Variants in ITGB2 observed in about 807,000 individuals in gnomAD.
ITGB2 encodes integrin subunit beta 2.
In ITGB2, 56 loss-of-function variants were observed where a neutral mutation model predicts 86.8. The ratio of observed to expected loss-of-function variants is 0.65; its 90% CI spans 0.52 to 0.81. The LOEUF (loss-of-function observed/expected upper bound fraction) is 0.81, where lower values mean the gene tolerates loss of function less well. Among genes scored for constraint, ITGB2 ranks in the 30% least tolerant of loss-of-function variants. The pLI, the probability that ITGB2 is intolerant of heterozygous loss-of-function variation, is 0.00. For missense variants in ITGB2, 948 were observed against 1,061.2 expected, an observed-to-expected ratio of 0.89 and a Z score of 1.48; for synonymous variants, 457 against 450.4, an observed-to-expected ratio of 1.01 and a Z score of -0.19.
At chr21:44,894,522 G>C in intron 9 of ITGB2, 1 of 261,728 alleles carries the variant, frequency 3.8e-6, no homozygotes, top group Non-Finnish European at 7.6e-6. Context: ...AGAAATTCAG[G>C]GGTTAAGGGC....
intron 9 of ITGB2, chr21:44,894,241 C>T (rs1487180927): frequency 1.8e-5 from 3 of 163,496 alleles, no homozygotes; most frequent in Admixed American, 1.1e-4. Flanking sequence ...CCTCCACGGG[C>T]CTTCAGTTTA....
At chr21:44,898,395 G>A (rs1432700359) in intron 8 of ITGB2, among the ~76,000 whole-genome samples, 2 of 152,288 alleles carry the variant, frequency 1.3e-5, no homozygotes, top group African/African-American at 2.4e-5. Flanking sequence ...CTCGGGCAGC[G>A]GCTGGCACCC....
chr21:44,925,472 G>GAAGA (rs1555864690), upstream of ITGB2, among the ~76,000 whole-genome samples: 41 of 145,232 alleles, frequency 2.8e-4, no homozygotes, highest in African/African-American at 1.1e-3. Flanking sequence ...AGGAAGGAAG[G>GAAGA]AAGGAAGGAA....
intron 1 of ITGB2, among the ~76,000 whole-genome samples, chr21:44,927,250 G>C (rs1263154100): frequency 2.6e-5 from 4 of 152,212 alleles, no homozygotes; most frequent in Non-Finnish European, 5.9e-5. Context: ...GGGCCAGTGG[G>C]GAGAGGGTGG....
intron 14 of ITGB2, 150 bp downstream of exon 14, chr21:44,888,543 G>C (rs2083731769): frequency 2.3e-6 from 2 of 872,514 alleles, no homozygotes; most frequent in Non-Finnish European, 3.7e-6. Context: ...TGGCCTCCTT[G>C]CAATGCCAAG....
At chr21:44,918,700 G>C (rs1227042673) in intron 1 of ITGB2, among the ~76,000 whole-genome samples, 1 of 152,224 alleles carries the variant, frequency 6.6e-6, no homozygotes, top group Middle Eastern at 3.2e-3. Context: ...GGTGGTGGCC[G>C]TGTTGCCTCA....
At chr21:44,913,406 C>T (rs918710671) in intron 1 of ITGB2, among the ~76,000 whole-genome samples, 2 of 152,126 alleles carry the variant, frequency 1.3e-5, no homozygotes, top group Non-Finnish European at 2.9e-5. Context: ...CCCGGGCACT[C>T]CCACCTGCCC....
chr21:44,903,549 C>T lies in ITGB2; in HGVS notation c.329-14G>A. ...CTGCTGCCTGGCCTGCCGGTGGGGACAGAACAAAAGGAGCCACACCTCACA... is the reference window on the plus strand; with the variant it reads ...CTGCTGCCTGGCCTGCCGGTGGGGATAGAACAAAAGGAGCCACACCTCACA... On this transcript the variant is annotated splice_polypyrimidine_tract_variant and intron_variant, in intron 4 of 15. Transcript: ENST00000652462. 1 of 1,613,684 alleles carries T rather than the reference C, an allele frequency of 6.2e-7. No individual in the cohort carries two copies. The highest frequency in any genetic ancestry group is 8.5e-7 in the Non-Finnish European group (1 of 1,179,836).
At chr21:44,902,202 G>T (rs1324451099) in intron 5 of ITGB2, among the ~76,000 whole-genome samples, 1 of 152,212 alleles carries the variant, frequency 6.6e-6, no homozygotes, top group Non-Finnish European at 1.5e-5. Context: ...GTGTGTTTAT[G>T]TACGATTTAT....
chr21:44,896,509 C>T (rs761320387), intron 8 of ITGB2, among the ~76,000 whole-genome samples: 22 of 152,218 alleles, frequency 1.4e-4, no homozygotes, highest in Non-Finnish European at 2.2e-4. Flanking sequence ...GTCACCTCCC[C>T]GCCCAAACCC....
intron 14 of ITGB2, among the ~76,000 whole-genome samples, chr21:44,888,180 G>T (rs1010118251): frequency 2.6e-5 from 4 of 152,220 alleles, no homozygotes; most frequent in African/African-American, 9.6e-5. Flanking sequence ...TCACTGTGGG[G>T]CTGGGACTGG....
At chr21:44,928,246 G>C (rs2084400572) in intron 1 of ITGB2, 1 of 152,286 alleles carries the variant, frequency 6.6e-6, no homozygotes, top group South Asian at 2.1e-4. Flanking sequence ...GCCTTGGCTG[G>C]GTGGGGAGTT....
intron 1 of ITGB2, among the ~76,000 whole-genome samples, chr21:44,926,220 TATG>T (rs2084371683): frequency 1.3e-5 from 2 of 152,038 alleles, no homozygotes; most frequent in East Asian, 1.9e-4. Context: ...GTGACCTTGC[TATG>T]GGGGGACCCA....
intron 13 of ITGB2, 189 bp downstream of exon 13, chr21:44,889,087 A>C: frequency 1.4e-6 from 1 of 693,116 alleles, no homozygotes; most frequent in Non-Finnish European, 2.5e-6. Flanking sequence ...GGCCCGCGGC[A>C]GGTGCGCACA....
Position 44,901,539 on chromosome 21 carries a change from C to T in ITGB2, c.694G>A (p.Ala232Thr). Residue 232 changes from alanine to threonine, a missense_variant, in exon 6 of 16, where the codon GCA becomes ACA. Coordinates refer to ENST00000652462, the MANE Select transcript of ITGB2 (RefSeq NM_000211.5). ...GKQLISGNLD[A>T]PEGGLDAMMQ... ...ATGGCGTCCAGCCCACCCTCGGGTG[C>T]ATCCAGGTTTCCGGAAATCAGCTGC... The T allele has an allele frequency of 1.2e-6, 2 of 1,614,248 alleles. No homozygotes were observed. The highest frequency in any genetic ancestry group is 1.7e-6 in the Non-Finnish European group (2 of 1,180,048).
At chr21:44,898,157 C>T (rs2083895670) in intron 8 of ITGB2, among the ~76,000 whole-genome samples, 1 of 152,152 alleles carries the variant, frequency 6.6e-6, no homozygotes. Flanking sequence ...GGGCTAGAGA[C>T]TGAGGTCAGC....
chr21:44,906,274 A>T (rs1159899427), intron 4 of ITGB2, among the ~76,000 whole-genome samples: 1 of 151,426 alleles, frequency 6.6e-6, no homozygotes, highest in African/African-American at 2.4e-5. Flanking sequence ...GGCTCACTGC[A>T]ACCTCTGCCT....
chr21:44,907,147 G>A (rs981627934), intron 3 of ITGB2, 52 bp from the exon 4 acceptor site: 1 of 1,414,634 alleles, frequency 7.1e-7, no homozygotes, highest in East Asian at 2.3e-5. Flanking sequence ...GGGACCTGCA[G>A]GAGGCTGACT....
intron 1 of ITGB2, among the ~76,000 whole-genome samples, chr21:44,919,530 G>A (rs1303584396): frequency 6.6e-6 from 1 of 152,238 alleles, no homozygotes; most frequent in Non-Finnish European, 1.5e-5. Flanking sequence ...ACGCTGGGGT[G>A]ACGGCAGACA....
Sources: allele counts gnomAD v4.1 joint callset (sites outside exome capture counted in the v4.1 genomes callset), GRCh38; gene constraint gnomAD v4.1.1; transcripts MANE v1.5; gene names NCBI Gene and HGNC (gene_info 2026-07-23, HGNC 2026-07-21).